RERE: variants seen among roughly 807,000 people sequenced by gnomAD.
RERE encodes the protein arginine-glutamic acid dipeptide repeats.
In RERE, 40 loss-of-function variants were observed where a neutral mutation model predicts 146.1. That is an observed-to-expected ratio of 0.27 (90% CI 0.21 to 0.36). RERE has a LOEUF of 0.36. Ranked by LOEUF, RERE falls within the 10% of genes least tolerant of loss-of-function variation. The pLI is 1.00. For missense variants in RERE, 1,933 were observed against 2,138.7 expected (o/e 0.90, Z 1.90); for synonymous variants, 1,003 against 866.0 (o/e 1.16, Z -2.78).
At chr1:8,388,565 C>T (rs190768996) in intron 12 of RERE, among the ~76,000 whole-genome samples, 124 of 151,944 alleles carry the variant, frequency 8.2e-4, no homozygotes, top group African/African-American at 2.9e-3. Context: ...ATGATCCGCC[C>T]GCCTTGGCCT....
chr1:8,809,719 G>T (rs1009195213), intron 1 of RERE, among the ~76,000 whole-genome samples: 1 of 152,074 alleles, frequency 6.6e-6, no homozygotes, highest in African/African-American at 2.4e-5. Flanking sequence ...ATGTTTTTCA[G>T]AATACATCTA....
At chr1:8,604,081 T>C (rs1378366762) in intron 4 of RERE, among the ~76,000 whole-genome samples, 1 of 152,148 alleles carries the variant, frequency 6.6e-6, no homozygotes, top group Non-Finnish European at 1.5e-5. Context: ...TCCTGAGAAG[T>C]GCTTCAAAGG....
chr1:8,539,327 CTTT>C (rs1645768348), intron 7 of RERE, among the ~76,000 whole-genome samples: 1 of 152,160 alleles, frequency 6.6e-6, no homozygotes, highest in African/African-American at 2.4e-5. Flanking sequence ...TGACCAGCTT[CTTT>C]ATCATTGGAA....
intron 1 of RERE, among the ~76,000 whole-genome samples, chr1:8,693,185 C>T (rs1017167607): frequency 1.1e-4 from 17 of 152,268 alleles, no homozygotes; most frequent in African/African-American, 1.7e-4. Flanking sequence ...ACAGCATGGC[C>T]GTTTCTTACA....
chr1:8,675,267 T>C (rs1030314220), intron 1 of RERE, among the ~76,000 whole-genome samples: 2 of 152,140 alleles, frequency 1.3e-5, no homozygotes, highest in South Asian at 2.1e-4. Flanking sequence ...TTCTTCCCTA[T>C]ATATAGGCCT....
chr1:8,619,699 G>A (rs552720789), intron 3 of RERE, among the ~76,000 whole-genome samples: 5 of 152,200 alleles, frequency 3.3e-5, no homozygotes, highest in Admixed American at 2.6e-4. Flanking sequence ...TAGCATTCTC[G>A]GACTCCATGA....
intron 4 of RERE, among the ~76,000 whole-genome samples, chr1:8,579,021 C>T (rs998006419): frequency 1.3e-5 from 2 of 152,190 alleles, no homozygotes; most frequent in African/African-American, 4.8e-5. Flanking sequence ...GTTTTTAAGA[C>T]CAAAGAAATG....
At chr1:8,530,195 T>C (rs576949885) in intron 7 of RERE, among the ~76,000 whole-genome samples, 1 of 152,286 alleles carries the variant, frequency 6.6e-6, no homozygotes, top group East Asian at 1.9e-4. Context: ...GACATCCTTC[T>C]CTCCTCCTAT....
At chr1:8,420,774 CTG>C (rs1166866171) in intron 12 of RERE, among the ~76,000 whole-genome samples, 1 of 152,148 alleles carries the variant, frequency 6.6e-6, no homozygotes, top group African/African-American at 2.4e-5. Context: ...GCGTGGGAAA[CTG>C]TGAAGGCGGA....
At position 8,356,113 on chromosome 1, in the gene RERE, G is replaced by A. The variant is rs1162895116; in HGVS notation, c.4473C>T (p.Arg1491=). 6.7e-7 allele frequency: 1 copy of A among 1,503,324 alleles called. No individual in the cohort carries two copies. The highest frequency in any genetic ancestry group is 8.9e-7 in the Non-Finnish European group (1 of 1,129,216). The allele number at this position is 1,503,324 out of a possible 1,614,324, so 93.1% of individuals were successfully genotyped here. The change falls in exon 21 of 23, where the codon CGC becomes CGT. Residue 1491 remains arginine (R), a synonymous_variant. Transcript: ENST00000400908. This position sits in a 1 kb window ranked among gnomAD's most constrained non-coding sequence, Gnocchi z 5.2. Reference sequence around the variant, plus strand: ...GGGAAGTCTTACCGAAAACTGGGTGGCGAAGCATCTCGTGCTCGTGTGGGG... The same window carrying A: ...GGGAAGTCTTACCGAAAACTGGGTGACGAAGCATCTCGTGCTCGTGTGGGG... ...GQPPHEHEML[R]HPVFGTPYPR... is the part of the protein sequence containing the mutation.
intron 1 of RERE, among the ~76,000 whole-genome samples, chr1:8,681,863 G>C (rs763564622): frequency 3.3e-5 from 5 of 152,126 alleles, no homozygotes; most frequent in Non-Finnish European, 7.4e-5. Context: ...AGGCGAAATT[G>C]ATTCTTTTAT....
Position 8,356,285 on chromosome 1 carries a change from A to T in RERE, c.4340-39T>A, listed in dbSNP as rs1641289837. 1 of 1,485,094 alleles carries T rather than the reference A, an allele frequency of 6.7e-7. No homozygotes were observed. Among genetic ancestry groups the T allele is most frequent in the Non-Finnish European group, 8.9e-7 (1 of 1,128,374 alleles). 92.0% of individuals were successfully genotyped at this position (1,485,094 alleles called of 1,614,324 possible). On this transcript the variant is annotated intron_variant, in intron 20 of 22. Transcript: ENST00000400908. The surrounding 1 kb of genome is among the most constrained non-coding windows in gnomAD (Gnocchi z 5.2). Reference sequence around the variant, plus strand: ...AAAACGCCAGATGGAGGCGGTGTGCAGCTCTTCAATGTTTGTCCCCCTTGG... The same window carrying T: ...AAAACGCCAGATGGAGGCGGTGTGCTGCTCTTCAATGTTTGTCCCCCTTGG...
At chr1:8,757,622 T>TAGTCG (rs1640667918) in intron 1 of RERE, among the ~76,000 whole-genome samples, 1 of 151,900 alleles carries the variant, frequency 6.6e-6, no homozygotes, top group African/African-American at 2.4e-5. Context: ...TAGAACATTG[T>TAGTCG]AGTTAAGAGA....
intron 7 of RERE, among the ~76,000 whole-genome samples, chr1:8,510,100 C>CGAAGAAGAG (rs926296187): frequency 6.6e-6 from 1 of 151,704 alleles, no homozygotes; most frequent in Non-Finnish European, 1.5e-5. Flanking sequence ...GAGGAGAAGA[C>CGAAGAAGAG]GAAGAAGAGG....
intron 2 of RERE, among the ~76,000 whole-genome samples, chr1:8,628,342 AC>A (rs1422984513): frequency 2.0e-5 from 3 of 152,206 alleles, no homozygotes; most frequent in Non-Finnish European, 4.4e-5. Flanking sequence ...AATGGCTAAG[AC>A]TGGAGTAATA....
At chr1:8,553,693 A>G (rs1208840384) in intron 6 of RERE, among the ~76,000 whole-genome samples, 1 of 152,254 alleles carries the variant, frequency 6.6e-6, no homozygotes, top group Non-Finnish European at 1.5e-5. Flanking sequence ...AATGAGGATT[A>G]TAATTATATA....
At chr1:8,702,205 C>A (rs1182078715) in intron 1 of RERE, among the ~76,000 whole-genome samples, 1 of 152,224 alleles carries the variant, frequency 6.6e-6, no homozygotes, top group Non-Finnish European at 1.5e-5. Flanking sequence ...AATGGAATTT[C>A]TCTGTAGACA....
intron 11 of RERE, among the ~76,000 whole-genome samples, chr1:8,454,932 C>T (rs967710833): frequency 2.0e-5 from 3 of 152,156 alleles, no homozygotes; most frequent in African/African-American, 7.2e-5. Flanking sequence ...GATACCCACA[C>T]CTCTGACTCT....
Position 8,411,792 on chromosome 1 carries a change from G to A in RERE, c.1284+10935C>T, listed in dbSNP as rs1483554028. Among the ~76,000 whole-genome samples, 13 of 152,012 alleles carry A rather than the reference G, an allele frequency of 8.6e-5. 1 individual carries two copies. Among genetic ancestry groups the A allele is most frequent in the African/African-American group, 3.1e-4 (13 of 41,376 alleles). On this transcript the variant is annotated intron_variant, in intron 12 of 22. Transcript: ENST00000400908. Reference sequence around the variant, plus strand: ...AAAGTTTTAGGGTTTTTCTTTTTAGGCTCACATTATCCAAAACGTGTAGTT... The same window carrying A: ...AAAGTTTTAGGGTTTTTCTTTTTAGACTCACATTATCCAAAACGTGTAGTT...
Sources: allele counts gnomAD v4.1 joint callset (sites outside exome capture counted in the v4.1 genomes callset), GRCh38; gene constraint gnomAD v4.1.1; non-coding constraint Gnocchi (gnomAD v3.1); transcripts MANE v1.5; gene names NCBI Gene and HGNC (gene_info 2026-07-23, HGNC 2026-07-21).